Variants in ADGRL2 observed in about 807,000 individuals in gnomAD.
The protein encoded by ADGRL2 is adhesion G protein-coupled receptor L2.
A neutral mutation model predicts 157.4 loss-of-function variants in ADGRL2; 44 were observed. The observed-to-expected ratio is 0.28, with a 90% CI of 0.22 to 0.36. The LOEUF (loss-of-function observed/expected upper bound fraction) is 0.36, where lower values mean the gene tolerates loss of function less well. ADGRL2 is among the 10% of genes least tolerant of loss of function. The pLI is 1.00. For missense variants in ADGRL2, 1,510 were observed against 1,768.9 expected (o/e 0.85, Z 2.63); for synonymous variants, 585 against 624.7 (o/e 0.94, Z 0.95).
chr1:81,809,807 T>C (rs566109728), intron 1 of ADGRL2, among the ~76,000 whole-genome samples: 12 of 152,168 alleles, frequency 7.9e-5, no homozygotes, highest in Middle Eastern at 3.4e-3. Context: ...ATGTAAAATA[T>C]GTATGATTAA....
At chr1:81,958,562 A>T (rs1159257421) in intron 11 of ADGRL2, among the ~76,000 whole-genome samples, 1 of 152,200 alleles carries the variant, frequency 6.6e-6, no homozygotes, top group African/African-American at 2.4e-5. Context: ...ATTTACCCTT[A>T]ATAATACATG....
chr1:81,504,077 A>G (rs1570308786), intron 2 of ADGRL2, among the ~76,000 whole-genome samples: 1 of 152,290 alleles, frequency 6.6e-6, no homozygotes, highest in South Asian at 2.1e-4. Context: ...AATGGTCTGA[A>G]GGAAGAGGCT....
At chr1:81,444,257 T>C (rs910274227) in intron 1 of ADGRL2, among the ~76,000 whole-genome samples, 22 of 152,272 alleles carry the variant, frequency 1.4e-4, no homozygotes, top group African/African-American at 5.3e-4. Context: ...GAAAGAGCAA[T>C]TGACTACTGA....
At chr1:81,723,063 C>A in intron 1 of ADGRL2, 1 of 748,038 alleles carries the variant, frequency 1.3e-6, no homozygotes, top group Admixed American at 1.7e-5. Context: ...AATTGGGAGT[C>A]AAGCACAGTG....
intron 1 of ADGRL2, among the ~76,000 whole-genome samples, chr1:81,810,663 A>G (rs1356622780): frequency 2.6e-5 from 4 of 151,736 alleles, no homozygotes; most frequent in Non-Finnish European, 5.9e-5. Context: ...ATGCTTATGT[A>G]TTTTTGTCCT....
intron 1 of ADGRL2, among the ~76,000 whole-genome samples, chr1:81,354,604 A>G (rs747889480): frequency 3.3e-5 from 5 of 152,160 alleles, no homozygotes; most frequent in Non-Finnish European, 7.4e-5. Context: ...CATCCACATC[A>G]TAAAGCCTAC....
chr1:81,742,531 G>GTA (rs938108411), intron 1 of ADGRL2, among the ~76,000 whole-genome samples: 1 of 151,972 alleles, frequency 6.6e-6, no homozygotes, highest in Non-Finnish European at 1.5e-5. Context: ...TGTCTAATTT[G>GTA]TATATTTTGC....
At chr1:81,346,657 T>A (rs1371656292) in intron 1 of ADGRL2, among the ~76,000 whole-genome samples, 1 of 152,116 alleles carries the variant, frequency 6.6e-6, no homozygotes, top group African/African-American at 2.4e-5. Flanking sequence ...GATGGCACAA[T>A]GAGAAGATAG....
chr1:81,339,668 T>C (rs1249040156), intron 1 of ADGRL2, among the ~76,000 whole-genome samples: 1 of 152,172 alleles, frequency 6.6e-6, no homozygotes, highest in Non-Finnish European at 1.5e-5. Context: ...CCTTAGCCTT[T>C]TCAGTCTCTC....
intron 2 of ADGRL2, among the ~76,000 whole-genome samples, chr1:81,513,030 G>A (rs535357579): frequency 2.6e-5 from 4 of 152,112 alleles, no homozygotes; most frequent in African/African-American, 9.6e-5. Flanking sequence ...ATGTATTTGT[G>A]AGTCTTGAAA....
intron 3 of ADGRL2, among the ~76,000 whole-genome samples, chr1:81,667,260 C>A (rs2082770210): frequency 6.6e-6 from 1 of 152,234 alleles, no homozygotes; most frequent in African/African-American, 2.4e-5. Context: ...TTAATGTGAC[C>A]CTTCCCACAC....
At chr1:81,626,251 A>T (rs2081906085) in intron 3 of ADGRL2, among the ~76,000 whole-genome samples, 1 of 152,178 alleles carries the variant, frequency 6.6e-6, no homozygotes, top group South Asian at 2.1e-4. Flanking sequence ...TAAGACAAAG[A>T]TCGTAGTGTA....
At chr1:81,360,902 T>C (rs1345619253) in intron 1 of ADGRL2, among the ~76,000 whole-genome samples, 1 of 151,954 alleles carries the variant, frequency 6.6e-6, no homozygotes, top group Non-Finnish European at 1.5e-5. Context: ...TTTTAATGCA[T>C]GCTGGGAAGA....
At chr1:81,929,867 C>T (rs1486214686) in intron 3 of ADGRL2, among the ~76,000 whole-genome samples, 1 of 152,052 alleles carries the variant, frequency 6.6e-6, no homozygotes, top group African/African-American at 2.4e-5. Context: ...GTTTGTTATC[C>T]AGGTATTGTG....
intron 2 of ADGRL2, among the ~76,000 whole-genome samples, chr1:81,530,881 G>A (rs765065026): frequency 2.0e-5 from 3 of 151,882 alleles, no homozygotes; most frequent in East Asian, 1.9e-4. Context: ...TCGGGAGTTC[G>A]AGACCAACCT....
intron 2 of ADGRL2, among the ~76,000 whole-genome samples, chr1:81,875,368 T>G (rs2093811751): frequency 6.6e-6 from 1 of 152,040 alleles, no homozygotes; most frequent in African/African-American, 2.4e-5. Context: ...TATAGGAAAA[T>G]AAAGATCTAT....
At chr1:81,574,218 G>A (rs533943066) in intron 2 of ADGRL2, among the ~76,000 whole-genome samples, 36 of 151,836 alleles carry the variant, frequency 2.4e-4, no homozygotes, top group African/African-American at 8.2e-4. Context: ...TTATAGAAGT[G>A]GGTGGTGGGG....
At chr1:81,867,513 C>A (rs1161124693) in intron 2 of ADGRL2, among the ~76,000 whole-genome samples, 1 of 152,182 alleles carries the variant, frequency 6.6e-6, no homozygotes, top group African/African-American at 2.4e-5. Context: ...AATATTGAAG[C>A]TGATGAATGA....
At chr1:81,535,100 T>C (rs931672341) in intron 2 of ADGRL2, among the ~76,000 whole-genome samples, 2 of 152,194 alleles carry the variant, frequency 1.3e-5, no homozygotes, top group Non-Finnish European at 2.9e-5. Context: ...AGCTGTTGTT[T>C]AGTACTTTAG....
Sources: gnomAD v4.1 joint callset for allele counts (sites outside exome capture counted in the v4.1 genomes callset) on GRCh38, gnomAD v4.1.1 for gene constraint, MANE v1.5 for transcripts, NCBI Gene and HGNC (gene_info 2026-07-23, HGNC 2026-07-21) for gene names.